Variants in MCC observed in about 807,000 individuals in gnomAD.
The protein encoded by MCC is MCC regulator of Wnt signaling pathway.
Under a neutral mutation model 116.2 loss-of-function variants are expected in MCC, and 90 were observed. That is an observed-to-expected ratio of 0.77 (90% CI 0.65 to 0.92). The LOEUF (loss-of-function observed/expected upper bound fraction) is 0.92, where lower values mean the gene tolerates loss of function less well. Ranked by LOEUF, MCC falls within the 40% of genes least tolerant of loss-of-function variation. The pLI is 0.00. For synonymous variants in MCC, 578 were observed against 510.5 expected, an observed-to-expected ratio of 1.13 and a Z score of -1.78; for missense variants, 1,516 against 1,312.2, an observed-to-expected ratio of 1.16 and a Z score of -2.40.
chr5:113,359,303 A>G (rs1189947763), intron 2 of MCC, among the ~76,000 whole-genome samples: 2 of 152,220 alleles, frequency 1.3e-5, no homozygotes, highest in Non-Finnish European at 2.9e-5. Context: ...GAAAGAAATG[A>G]GGAAATTTTT....
chr5:113,235,090 G>C (rs984683633), intron 3 of MCC, among the ~76,000 whole-genome samples: 1 of 152,212 alleles, frequency 6.6e-6, no homozygotes, highest in African/African-American at 2.4e-5. Flanking sequence ...GGAATTGTTT[G>C]AGTGAGCTGA....
At chr5:113,334,113 G>C (rs1428660251) in intron 3 of MCC, among the ~76,000 whole-genome samples, 2 of 147,660 alleles carry the variant, frequency 1.4e-5, no homozygotes, top group Non-Finnish European at 3.0e-5. Flanking sequence ...TCTAGACATT[G>C]CTATTTCATT....
intron 3 of MCC, among the ~76,000 whole-genome samples, chr5:113,200,502 C>T (rs1443422876): frequency 6.6e-6 from 1 of 152,042 alleles, no homozygotes; most frequent in Non-Finnish European, 1.5e-5. Flanking sequence ...GGTAGGGGTT[C>T]CTTCTAACAC....
intron 2 of MCC, among the ~76,000 whole-genome samples, chr5:113,380,738 A>G (rs1307133339): frequency 6.6e-6 from 1 of 152,226 alleles, no homozygotes; most frequent in East Asian, 1.9e-4. Flanking sequence ...TGAGGAAAGG[A>G]GGAGAGGCTG....
chr5:113,455,459 G>C (rs181539783), intron 1 of MCC, among the ~76,000 whole-genome samples: 6 of 152,138 alleles, frequency 3.9e-5, no homozygotes, highest in Non-Finnish European at 8.8e-5. Context: ...ATAAGGTCAC[G>C]TCTCAGGGGT....
chr5:113,129,076 G>C (rs1758269104), intron 5 of MCC, among the ~76,000 whole-genome samples: 1 of 152,166 alleles, frequency 6.6e-6, no homozygotes, highest in Non-Finnish European at 1.5e-5. Context: ...CCTCAAATGA[G>C]GGGGCATTTT....
chr5:113,442,077 A>C (rs1771057920), intron 1 of MCC, among the ~76,000 whole-genome samples: 1 of 152,230 alleles, frequency 6.6e-6, no homozygotes, highest in South Asian at 2.1e-4. Context: ...CTAGAAATAC[A>C]CTGTCTTCCC....
chr5:113,486,905 C>A (rs1202099246), intron 1 of MCC, among the ~76,000 whole-genome samples: 1 of 151,564 alleles, frequency 6.6e-6, no homozygotes, highest in Non-Finnish European at 1.5e-5. Context: ...AGATAATAAC[C>A]TTTCAAGTAG....
Position 113,385,230 on chromosome 5 carries a change from C to T in MCC, c.171-18G>A. On this transcript the variant is annotated intron_variant, in intron 1 of 18. Transcript: ENST00000408903. The stretch of plus-strand genomic sequence containing the variant: ...AGTCATTTCTGCAGAAGGGGTTGAA[C>T]AGAAGAAAATGTGTTATGAGTGACA... 3.7e-6 allele frequency: 6 copies of T among 1,608,254 alleles called. No homozygotes were observed. Among genetic ancestry groups the T allele is most frequent in the Middle Eastern group, 1.7e-4 (1 of 6,034 alleles).
chr5:113,048,436 C>G (rs6594663), intron 16 of MCC: 5 of 152,486 alleles, frequency 3.3e-5, no homozygotes, highest in African/African-American at 1.2e-4. Context: ...CCCCACCCAT[C>G]TGTCATTTAG....
At chr5:113,248,685 G>A (rs1331905022) in intron 3 of MCC, among the ~76,000 whole-genome samples, 1 of 152,114 alleles carries the variant, frequency 6.6e-6, no homozygotes, top group Non-Finnish European at 1.5e-5. Flanking sequence ...ACCAAGAAGG[G>A]TCTTGAATAG....
At chr5:113,240,674 G>C (rs1005846087) in intron 3 of MCC, among the ~76,000 whole-genome samples, 3 of 152,142 alleles carry the variant, frequency 2.0e-5, no homozygotes, top group African/African-American at 7.2e-5. Flanking sequence ...AATGCCAACT[G>C]TAACAGGATT....
chr5:113,423,533 G>A (rs561058561), intron 1 of MCC, among the ~76,000 whole-genome samples: 2 of 152,164 alleles, frequency 1.3e-5, no homozygotes, highest in Admixed American at 6.5e-5. Context: ...AGAATTAACT[G>A]GTATAATAAC....
At chr5:113,473,384 C>A (rs942729762) in intron 1 of MCC, among the ~76,000 whole-genome samples, 1 of 151,936 alleles carries the variant, frequency 6.6e-6, no homozygotes, top group Non-Finnish European at 1.5e-5. Context: ...ATTAGCTGGG[C>A]ATGGGGGTGG....
At chr5:113,305,266 C>T (rs1766961225) in intron 3 of MCC, among the ~76,000 whole-genome samples, 1 of 152,172 alleles carries the variant, frequency 6.6e-6, no homozygotes, top group Non-Finnish European at 1.5e-5. Flanking sequence ...CAGCCATCCT[C>T]AGTTGTTTTG....
At position 113,434,192 on chromosome 5, in the gene MCC, G is replaced by C; in HGVS notation, c.171-48980C>G. On this transcript the variant is annotated intron_variant, in intron 1 of 18. Transcript: ENST00000408903. The surrounding 1 kb of genome is among the most constrained non-coding windows in gnomAD (Gnocchi z 4.2). ...GCATCTTCTTGATGTTGGAGTCGTCGTAGGGCATGGAGCCGCAGACCATGA... is the reference window on the plus strand; with the variant it reads ...GCATCTTCTTGATGTTGGAGTCGTCCTAGGGCATGGAGCCGCAGACCATGA... 6.2e-7 allele frequency: 1 copy of C among 1,614,152 alleles called. No individual in the cohort carries two copies. Among genetic ancestry groups the C allele is most frequent in the Non-Finnish European group, 8.5e-7 (1 of 1,179,988 alleles).
intron 2 of MCC, among the ~76,000 whole-genome samples, chr5:113,353,705 A>G (rs1245363597): frequency 6.6e-6 from 1 of 152,236 alleles, no homozygotes; most frequent in Non-Finnish European, 1.5e-5. Flanking sequence ...TAGGCTCCCT[A>G]TACCAGTCTA....
chr5:113,291,458 G>GTA (rs1766492779), intron 3 of MCC, among the ~76,000 whole-genome samples: 1 of 152,194 alleles, frequency 6.6e-6, no homozygotes, highest in Non-Finnish European at 1.5e-5. Flanking sequence ...GTGGCTAGGG[G>GTA]ACCCTTACAG....
At chr5:113,236,113 C>T (rs1056926225) in intron 3 of MCC, among the ~76,000 whole-genome samples, 9 of 152,070 alleles carry the variant, frequency 5.9e-5, no homozygotes, top group Non-Finnish European at 1.2e-4. Flanking sequence ...GCAAGATCCT[C>T]TTTTAAAGGC....
Sources: allele counts gnomAD v4.1 joint callset (sites outside exome capture counted in the v4.1 genomes callset), GRCh38; gene constraint gnomAD v4.1.1; non-coding constraint Gnocchi (gnomAD v3.1); transcripts MANE v1.5; gene names NCBI Gene and HGNC (gene_info 2026-07-23, HGNC 2026-07-21).